The following DLAT variants were observed in gnomAD, a reference collection of about 807,000 sequenced individuals.
DLAT encodes the protein dihydrolipoamide S-acetyltransferase.
DLAT carries 43 observed loss-of-function variants against 68.0 expected under a neutral mutation model. The ratio of observed to expected loss-of-function variants is 0.63; its 90% CI spans 0.50 to 0.81. The LOEUF is 0.81. Among genes scored for constraint, DLAT ranks in the 40% least tolerant of loss-of-function variants. The pLI, the probability that DLAT is intolerant of heterozygous loss-of-function variation, is 0.00. For synonymous variants in DLAT, 265 were observed against 288.6 expected (o/e 0.92, Z 0.83); for missense variants, 745 against 815.4 (o/e 0.91, Z 1.05).
chr11:112,036,201 G>GTTTTTTTTTTTTTT (rs1167345612), intron 5 of DLAT, among the ~76,000 whole-genome samples: 1 of 36,474 alleles, frequency 2.7e-5, no homozygotes, highest in Non-Finnish European at 5.1e-5. Flanking sequence ...GTGTGTGTGT[G>GTTTTTTTTTTTTTT]TTTTTTTTTT....
intron 7 of DLAT, 84 bp downstream of exon 7, chr11:112,039,481 A>G (rs1215059133): frequency 1.4e-5 from 19 of 1,355,096 alleles, no homozygotes; most frequent in Non-Finnish European, 1.7e-5. Context: ...ACAACTATGT[A>G]TAGCCGTACT....
chr11:112,046,075 G>A (rs1592694113), intron 10 of DLAT, 105 bp downstream of exon 10: 1 of 689,942 alleles, frequency 1.4e-6, no homozygotes, highest in South Asian at 1.6e-5. Flanking sequence ...ATATCAGTTG[G>A]TGGTTACTTT....
intron 9 of DLAT, 131 bp downstream of exon 9, chr11:112,045,361 G>C (rs1245173657): frequency 4.9e-6 from 4 of 818,948 alleles, no homozygotes; most frequent in Admixed American, 4.0e-5. Context: ...TTTAAGGGAA[G>C]TTTTGGCCAA....
intron 3 of DLAT, 40 bp downstream of exon 3, chr11:112,028,679 G>C: frequency 6.2e-7 from 1 of 1,614,060 alleles, no homozygotes; most frequent in Non-Finnish European, 8.5e-7. Context: ...TTCATTGCTT[G>C]GTGGAGTATT....
intron 7 of DLAT, 81 bp downstream of exon 7, chr11:112,039,478 T>C (rs1488498919): frequency 4.4e-6 from 6 of 1,365,152 alleles, no homozygotes; most frequent in Non-Finnish European, 6.3e-6. Context: ...AGTACAACTA[T>C]GTATAGCCGT....
chr11:112,036,165 A>ATG (rs797041830), intron 5 of DLAT, among the ~76,000 whole-genome samples: 18 of 101,838 alleles, frequency 1.8e-4, no homozygotes, highest in African/African-American at 6.0e-4. Flanking sequence ...GTGTGTGTAT[A>ATG]TATGTGTGTG....
At position 112,025,645 on chromosome 11, in the gene DLAT, T is replaced by C; in HGVS notation, c.173T>C (p.Leu58Pro). The C allele has an allele frequency of 6.2e-7, 1 of 1,613,186 alleles. No individual in the cohort carries two copies. Among genetic ancestry groups the C allele is most frequent in the Admixed American group, 1.7e-5 (1 of 60,014 alleles). Residue 58 changes from leucine (L) to proline (P), a missense_variant, in exon 1 of 14, where the codon CTG becomes CCG. Transcript: ENST00000280346. Reference sequence around the variant, plus strand: ...ACAGGGTATGGCGGGGTCCGGGCACTGTGCGGCTGGACCCCCAGTTCTGGG... The same window carrying C: ...ACAGGGTATGGCGGGGTCCGGGCACCGTGCGGCTGGACCCCCAGTTCTGGG... Reference protein sequence around the residue: ...VTTGYGGVRALCGWTPSSGAT... With the variant: ...VTTGYGGVRAPCGWTPSSGAT...
chr11:112,059,137 G>C (rs587703103), intron 11 of DLAT, among the ~76,000 whole-genome samples: 1 of 151,472 alleles, frequency 6.6e-6, no homozygotes, highest in South Asian at 2.1e-4. Flanking sequence ...CCTATTTCTT[G>C]CTACAATGCA....
At chr11:112,053,546 G>A (rs1863794884) in intron 11 of DLAT, among the ~76,000 whole-genome samples, 2 of 151,794 alleles carry the variant, frequency 1.3e-5, no homozygotes, top group Admixed American at 1.3e-4. Context: ...TCCGCCTCCC[G>A]AGTTCAAGCA....
At chr11:112,044,081 A>G (rs909527192) in intron 8 of DLAT, among the ~76,000 whole-genome samples, 4 of 152,208 alleles carry the variant, frequency 2.6e-5, no homozygotes, top group Admixed American at 2.6e-4. Context: ...TGTATTCCAC[A>G]TTATGTTTTG....
rs886090417 is a variant in DLAT at position 112,039,231 on chromosome 11, T to A, written c.976-13T>A. On this transcript the variant is annotated splice_polypyrimidine_tract_variant and intron_variant, in intron 6 of 13. Transcript: ENST00000280346. ...GTGGTGAATTAAAACAATTTGTAAT[T>A]TTTTTTCAAAAGGTGGCCGCTGTTC... The A allele has an allele frequency of 1.9e-6, 3 of 1,613,810 alleles. No individual in the cohort carries two copies. The highest frequency in any genetic ancestry group is 2.7e-5 in the African/African-American group (2 of 74,930).
chr11:112,061,131 G>C lies in DLAT; in HGVS notation c.1771G>C (p.Gly591Arg), dbSNP rs1388530412. ...ACCTCAAGCATGTATTTTGGCAATT[G>C]GTGCTTCAGAGGATAAACTGGTCCC... is the stretch of plus-strand genomic sequence containing the variant. Reference protein sequence around the residue: ...NPPQACILAIGASEDKLVPAD... With the variant: ...NPPQACILAIRASEDKLVPAD... Residue 591 changes from glycine (G) to arginine (R), a missense_variant, in exon 13 of 14, where the codon GGT becomes CGT. Coordinates refer to ENST00000280346, the MANE Select transcript of DLAT (RefSeq NM_001931.5). 1.2e-6 allele frequency: 2 copies of C among 1,613,940 alleles called. No individual in the cohort carries two copies. Among genetic ancestry groups the C allele is most frequent in the Non-Finnish European group, 1.7e-6 (2 of 1,180,020 alleles).
At chr11:112,044,345 C>T (rs1206944818) in intron 8 of DLAT, among the ~76,000 whole-genome samples, 1 of 152,106 alleles carries the variant, frequency 6.6e-6, no homozygotes, top group Non-Finnish European at 1.5e-5. Context: ...CAGGTGCATG[C>T]CATCACACCT....
intron 2 of DLAT, among the ~76,000 whole-genome samples, chr11:112,026,727 C>CA (rs1300450133): frequency 6.6e-5 from 10 of 152,240 alleles, no homozygotes; most frequent in Admixed American, 2.6e-4. Context: ...TCTACACAGA[C>CA]ACGGCAACCA....
In DLAT at chr11:112,025,591, C is replaced by G. The variant is rs369129259; in HGVS notation, c.119C>G (p.Pro40Arg). 2 of 1,613,926 alleles carry G rather than the reference C, an allele frequency of 1.2e-6. No homozygotes were observed. The highest frequency in any genetic ancestry group is 1.3e-5 in the African/African-American group (1 of 75,028). The change falls in exon 1 of 14, where the codon CCG becomes CGG. Residue 40 changes from proline (P) to arginine (R), a missense_variant. By Grantham distance (103) the Pro-to-Arg change is moderately radical. Transcript: ENST00000280346. ...CCACGAGTGACCTCGCGATCTGGCC[C>G]GGCTCCCGCTCGTCGCAACAGCGTG... ...GTPRVTSRSG[P>R]APARRNSVTT...
chr11:112,030,578 T>C (rs1862339155), intron 4 of DLAT, among the ~76,000 whole-genome samples: 2 of 152,174 alleles, frequency 1.3e-5, no homozygotes, highest in African/African-American at 4.8e-5. Context: ...AAAAGTTAAG[T>C]GTAAGATACA....
Position 112,029,949 on chromosome 11 carries a change from A to G in DLAT, c.660+1004A>G, listed in dbSNP as rs1349393912. ...AAGTCCATCAGTGATTTTTCCAAAC[A>G]TTACATGCTTCCCATCCAGCCAATC... On this transcript the variant is annotated intron_variant, in intron 4 of 13. Transcript: ENST00000280346. 18 of 915,618 alleles carry G rather than the reference A, an allele frequency of 2.0e-5. No homozygotes were observed. The Admixed American group carries it at 3.2e-4, about 16-fold the overall frequency. The allele number at this position is 915,618 out of a possible 1,614,324, so 56.7% of individuals were successfully genotyped here.
At chr11:112,053,534 C>T (rs1481995490) in intron 11 of DLAT, among the ~76,000 whole-genome samples, 2 of 151,962 alleles carry the variant, frequency 1.3e-5, no homozygotes, top group Admixed American at 6.5e-5. Flanking sequence ...CTCACTGCAA[C>T]CTCCGCCTCC....
rs782038197 is a variant in DLAT, at chr11:112,026,182, T to C, written c.280-16T>C. ...AGTCCTTAAAAATTTTAATGTTTCT[T>C]CTTTTCCTTTTCCAGGTTCCATTGC... On this transcript the variant is annotated splice_polypyrimidine_tract_variant and intron_variant, in intron 1 of 13. Transcript: ENST00000280346. 13 of 1,592,670 alleles carry C rather than the reference T, an allele frequency of 8.2e-6. No homozygotes were observed. The highest frequency in any genetic ancestry group is 2.2e-5 in the South Asian group (2 of 89,364).
Sources: allele counts gnomAD v4.1 joint callset (sites outside exome capture counted in the v4.1 genomes callset), GRCh38; gene constraint gnomAD v4.1.1; transcripts MANE v1.5; gene names NCBI Gene and HGNC (gene_info 2026-07-23, HGNC 2026-07-21).